AP1B1: variants seen among roughly 807,000 people sequenced by gnomAD.
The protein encoded by AP1B1 is adaptor related protein complex 1 subunit beta 1, also known as AP-1 complex subunit beta-1.
A neutral mutation model predicts 104.3 loss-of-function variants in AP1B1; 36 were observed. That is an observed-to-expected ratio of 0.35 (90% CI 0.26 to 0.46). The LOEUF (loss-of-function observed/expected upper bound fraction) is 0.46. Among genes scored for constraint, AP1B1 ranks in the 20% least tolerant of loss-of-function variants. AP1B1 has a pLI of 1.00. For missense variants in AP1B1, 901 were observed against 1,247.9 expected (o/e 0.72, Z 4.19); for synonymous variants, 504 against 517.5 (o/e 0.97, Z 0.35).
Position 29,370,959 on chromosome 22 carries a change from G to A in AP1B1, c.-27-3689C>T, listed in dbSNP as rs562940017. On this transcript the variant is annotated intron_variant, in intron 1 of 22. Transcript: ENST00000357586. ...CAGAGGGCCCAATGGGACTGATGATGCAGAAATGTATCCCTCTGAAGTTGT... is the reference window on the plus strand; with the variant it reads ...CAGAGGGCCCAATGGGACTGATGATACAGAAATGTATCCCTCTGAAGTTGT... Among the ~76,000 whole-genome samples the A allele has an allele frequency of 3.9e-5, 6 of 152,310 alleles. No homozygotes were observed. The South Asian group carries it at 1.0e-3, about 26-fold the overall frequency.
At position 29,368,594 on chromosome 22, in the gene AP1B1, C is replaced by T. The variant is rs148401875; in HGVS notation, c.-27-1324G>A. Among the ~76,000 whole-genome samples the T allele has an allele frequency of 1.2e-3, 186 of 152,228 alleles. 1 individual carries two copies. The highest frequency in any genetic ancestry group is 3.5e-3 in the Admixed American group (53 of 15,290). The stretch of plus-strand genomic sequence containing the variant: ...TTTACAAATGATGAAACGGACTCAG[C>T]GATGTTACATGACGTGCCCAAGGTC... On this transcript the variant is annotated intron_variant, in intron 1 of 22. Coordinates refer to ENST00000357586, the MANE Select transcript of AP1B1 (RefSeq NM_001127.4).
chr22:29,351,801 C>T lies in AP1B1; in HGVS notation c.963G>A (p.Met321Ile). 6.2e-7 allele frequency: 1 copy of T among 1,614,230 alleles called. No individual in the cohort carries two copies. Among genetic ancestry groups the T allele is most frequent in the Non-Finnish European group, 8.5e-7 (1 of 1,180,040 alleles). ...QKRPEILKHE[M>I]KVFFVKYNDP... ...CGTTGTACTTCACGAAGAACACCTT[C>T]ATCTCATGCTTCAGGATCTCAGGCC... Residue 321 changes from methionine to isoleucine, a missense_variant, in exon 8 of 23, where the codon ATG becomes ATA. This residue lies in a region of AP1B1 where 471 missense variants were observed against 696.7 expected (regional missense o/e 0.68). Transcript: ENST00000357586.
chr22:29,341,769 G>A lies in AP1B1; in HGVS notation c.1537-9C>T, dbSNP rs1467072647. The A allele has an allele frequency of 1.9e-6, 3 of 1,598,370 alleles. No homozygotes were observed. Among genetic ancestry groups the A allele is most frequent in the Non-Finnish European group, 2.6e-6 (3 of 1,168,704 alleles). ...TCTGGGTTATCTGAGTCCTTGTGGG[G>A]GTGAGGAGAAGCCCATGAAACTCAG... On this transcript the variant is annotated splice_polypyrimidine_tract_variant and intron_variant, in intron 12 of 22. Coordinates refer to ENST00000357586, the MANE Select transcript of AP1B1 (RefSeq NM_001127.4).
Position 29,328,679 on chromosome 22 carries a change from G to T in AP1B1, c.*142C>A. 9.7e-7 allele frequency: 1 copy of T among 1,033,540 alleles called. No homozygotes were observed. Among genetic ancestry groups the T allele is most frequent in the Admixed American group, 2.5e-5 (1 of 40,502 alleles). The allele number at this position is 1,033,540 out of a possible 1,614,324, so 64.0% of individuals were successfully genotyped here. The stretch of plus-strand genomic sequence containing the variant: ...TGGTGCCCTACCCCAGGGATCGGGT[G>T]GGTTCTGCCATCAGGACCAGGGAGC... On this transcript the variant is annotated 3_prime_UTR_variant, in exon 23 of 23. Coordinates refer to ENST00000357586, the MANE Select transcript of AP1B1 (RefSeq NM_001127.4). The surrounding 1 kb of genome is among the most constrained non-coding windows in gnomAD (Gnocchi z 4.1).
At chr22:29,339,229 T>TGGGGGCA (rs1243313452) in intron 15 of AP1B1, 96 bp from the exon 16 acceptor site, 6 of 1,447,272 alleles carry the variant, frequency 4.1e-6, no homozygotes, top group South Asian at 3.6e-5. Context: ...TAGAAGACAC[T>TGGGGGCA]GGGGGCAGGG....
At chr22:29,366,357 A>G (rs960221393) in intron 2 of AP1B1, among the ~76,000 whole-genome samples, 1 of 152,148 alleles carries the variant, frequency 6.6e-6, no homozygotes, top group African/African-American at 2.4e-5. Context: ...TACATGCCTG[A>G]CCGGCCGCGG....
intron 10 of AP1B1, 29 bp downstream of exon 10, chr22:29,350,006 G>A (rs752907119): frequency 3.9e-6 from 6 of 1,557,510 alleles, no homozygotes; most frequent in Non-Finnish European, 4.4e-6. Context: ...AGAGCTAGAT[G>A]CCCTCTCCCT....
At chr22:29,340,142 A>G (rs142728930) in intron 14 of AP1B1, among the ~76,000 whole-genome samples, 14 of 152,272 alleles carry the variant, frequency 9.2e-5, no homozygotes, top group African/African-American at 3.4e-4. Flanking sequence ...AGGAAGCCCC[A>G]GGGAGATACC....
At chr22:29,330,763 C>A in intron 19 of AP1B1, 54 bp from the exon 20 acceptor site, 1 of 1,472,082 alleles carries the variant, frequency 6.8e-7, no homozygotes, top group Non-Finnish European at 9.3e-7. Flanking sequence ...AACCTGTGGG[C>A]CCTCTGTAGC....
chr22:29,346,580 G>C (rs908602371), intron 11 of AP1B1, among the ~76,000 whole-genome samples: 1 of 152,238 alleles, frequency 6.6e-6, no homozygotes, highest in African/African-American at 2.4e-5. Context: ...AGTAATGCTT[G>C]CTTGCCCGCC....
At chr22:29,384,824 C>T (rs1322729747) in intron 1 of AP1B1, among the ~76,000 whole-genome samples, 2 of 151,800 alleles carry the variant, frequency 1.3e-5, no homozygotes, top group East Asian at 1.9e-4. Flanking sequence ...GCCAAGATCG[C>T]GCCACTGCAC....
At position 29,328,783 on chromosome 22, in the gene AP1B1, G is replaced by A. The variant is rs778791073; in HGVS notation, c.*38C>T. 6.3e-7 allele frequency: 1 copy of A among 1,586,866 alleles called. No individual in the cohort carries two copies. The highest frequency in any genetic ancestry group is 8.5e-7 in the Non-Finnish European group (1 of 1,170,022). ...CTGCCCCCGAGGGGCCTCCTCGATG[G>A]GGCGGGCAGAAGGCTGGGGTGGGCG... On this transcript the variant is annotated 3_prime_UTR_variant, in exon 23 of 23. Coordinates refer to ENST00000357586, the MANE Select transcript of AP1B1 (RefSeq NM_001127.4). The surrounding 1 kb of genome is among the most constrained non-coding windows in gnomAD (Gnocchi z 4.1).
chr22:29,341,771 TGAG>T lies in AP1B1; in HGVS notation c.1537-14_1537-12del, dbSNP rs778063028. ...TGGGTTATCTGAGTCCTTGTGGGGG[TGAG>T]GAGAAGCCCATGAAACTCAGAGTAG... On this transcript the variant is annotated splice_polypyrimidine_tract_variant and intron_variant, in intron 12 of 22. Coordinates refer to ENST00000357586, the MANE Select transcript of AP1B1 (RefSeq NM_001127.4). The T allele has an allele frequency of 2.5e-6, 4 of 1,596,836 alleles. No homozygotes were observed. Among genetic ancestry groups the T allele is most frequent in the Non-Finnish European group, 3.4e-6 (4 of 1,167,860 alleles).
At chr22:29,349,896 A>C (rs2061847752) in intron 10 of AP1B1, 139 bp downstream of exon 10, 1 of 727,474 alleles carries the variant, frequency 1.4e-6, no homozygotes, top group African/African-American at 1.8e-5. Flanking sequence ...GGACGAAATA[A>C]AAAACAAAGG....
intron 17 of AP1B1, 57 bp from the exon 18 acceptor site, chr22:29,331,973 A>C (rs904799813): frequency 1.3e-6 from 2 of 1,529,252 alleles, no homozygotes. Context: ...GATGCGGGAC[A>C]GGTGAGCTCC....
At position 29,334,447 on chromosome 22, in the gene AP1B1, C is replaced by T. The variant is rs540514762; in HGVS notation, c.2164-37G>A. ...AGGGTGCGGAGGGGGCGGGTAGGTG[C>T]CTCTTCCTGCAGCCCAAACTCAACA... On this transcript the variant is annotated intron_variant, in intron 16 of 22. Coordinates refer to ENST00000357586, the MANE Select transcript of AP1B1 (RefSeq NM_001127.4). 8 of 1,564,574 alleles carry T rather than the reference C, an allele frequency of 5.1e-6. No individual in the cohort carries two copies. In the African/African-American group the frequency reaches 1.1e-4, roughly 21 times the overall value.
Position 29,330,010 on chromosome 22 carries a change from A to AG in AP1B1, c.2767-291dup. The AG allele has an allele frequency of 5.7e-6, 8 of 1,409,188 alleles. No individual in the cohort carries two copies. In the South Asian group the frequency reaches 6.2e-5, roughly 11 times the overall value. 87.3% of individuals were successfully genotyped at this position (1,409,188 alleles called of 1,614,324 possible). A position where few individuals can be genotyped will look rare whatever the true frequency, so the allele number is the denominator to read the frequency against. ...GTCTACCTCAAAGGCTGGGAGGTTC[A>AG]GGCTCCTGGGAACCACTGTCCTCCC... On this transcript the variant is annotated intron_variant, in intron 21 of 22. Transcript: ENST00000357586.
Position 29,354,804 on chromosome 22 carries a change from C to G in AP1B1, c.784G>C (p.Val262Leu). 6.2e-7 allele frequency: 1 copy of G among 1,614,114 alleles called. No individual in the cohort carries two copies. The highest frequency in any genetic ancestry group is 8.5e-7 in the Non-Finnish European group (1 of 1,180,042). ...NSAVVLSAVK[V>L]LMKFMEMLSK... ...AACATCTCCATGAACTTCATCAGCACCTTCACAGCAGAGAGCACCACAGCG... is the reference window on the plus strand; with the variant it reads ...AACATCTCCATGAACTTCATCAGCAGCTTCACAGCAGAGAGCACCACAGCG... The change falls in exon 7 of 23, where the codon GTG (valine) becomes CTG (leucine). Residue 262 changes from valine to leucine, a missense_variant. This residue lies in a region of AP1B1 where 471 missense variants were observed against 696.7 expected (regional missense o/e 0.68). Coordinates refer to ENST00000357586, the MANE Select transcript of AP1B1 (RefSeq NM_001127.4).
intron 21 of AP1B1, 37 bp from the exon 22 acceptor site, chr22:29,329,757 G>C: frequency 6.2e-7 from 1 of 1,613,154 alleles, no homozygotes; most frequent in Non-Finnish European, 8.5e-7. Context: ...GTGACATGCA[G>C]CAACCAAACA....
Sources: gnomAD v4.1 joint callset for allele counts (sites outside exome capture counted in the v4.1 genomes callset) on GRCh38, gnomAD v4.1.1 for gene constraint, gnomAD v4.1.1 regional missense constraint, Gnocchi (gnomAD v3.1) non-coding constraint, MANE v1.5 for transcripts, NCBI Gene and HGNC (gene_info 2026-07-23, HGNC 2026-07-21) for gene names.